ANKS1B: variants seen among roughly 807,000 people sequenced by gnomAD.
ANKS1B encodes the protein ankyrin repeat and sterile alpha motif domain-containing protein 1B.
Under a neutral mutation model 148.3 loss-of-function variants are expected in ANKS1B, and 36 were observed. The ratio of observed to expected loss-of-function variants is 0.24; its 90% confidence interval spans 0.19 to 0.32. ANKS1B has a LOEUF of 0.32. ANKS1B is among the 10% of genes least tolerant of loss of function. The pLI, the probability that ANKS1B is intolerant of heterozygous loss-of-function variation, is 1.00. For synonymous variants in ANKS1B, 542 were observed against 560.8 expected, an observed-to-expected ratio of 0.97 and a Z score of 0.47; for missense variants, 1,157 against 1,542.6, an observed-to-expected ratio of 0.75 and a Z score of 4.19.
chr12:99,181,753 T>C (rs1397374831), intron 14 of ANKS1B, among the ~76,000 whole-genome samples: 1 of 152,036 alleles, frequency 6.6e-6, no homozygotes, highest in Non-Finnish European at 1.5e-5. Flanking sequence ...TCAGAATAAA[T>C]GGGGTTTCCA....
chr12:99,513,418 T>G (rs1321720734), intron 9 of ANKS1B, among the ~76,000 whole-genome samples: 1 of 152,080 alleles, frequency 6.6e-6, no homozygotes, highest in African/African-American at 2.4e-5. Flanking sequence ...TACACTGTCT[T>G]GATTAGTGGA....
At chr12:98,830,253 CTT>C (rs960364499) in intron 18 of ANKS1B, among the ~76,000 whole-genome samples, 1 of 149,614 alleles carries the variant, frequency 6.7e-6, no homozygotes, top group Non-Finnish European at 1.5e-5. Flanking sequence ...AAACAAAAAT[CTT>C]TTTTTTTTCT....
chr12:99,229,736 AC>A (rs11315397), intron 14 of ANKS1B, among the ~76,000 whole-genome samples: 12,723 of 151,964 alleles, frequency 0.084, 673 homozygotes, highest in Admixed American at 0.12. Flanking sequence ...AATTACTTTT[AC>A]TTCTTCTTCT....
At chr12:99,299,354 C>T (rs765905232) in intron 12 of ANKS1B, among the ~76,000 whole-genome samples, 1 of 152,140 alleles carries the variant, frequency 6.6e-6, no homozygotes, top group Admixed American at 6.5e-5. Context: ...GCCACTGCAC[C>T]CAGCCTTGTA....
chr12:99,756,673 A>G (rs1601529341), intron 8 of ANKS1B, among the ~76,000 whole-genome samples: 1 of 152,156 alleles, frequency 6.6e-6, no homozygotes, highest in East Asian at 1.9e-4. Flanking sequence ...CCAATTTCAA[A>G]CTATACTATG....
intron 17 of ANKS1B, among the ~76,000 whole-genome samples, chr12:98,845,017 G>A (rs564962495): frequency 6.6e-6 from 1 of 152,260 alleles, no homozygotes; most frequent in East Asian, 1.9e-4. Flanking sequence ...AGTTCAAGAT[G>A]GGAAAGATAT....
chr12:99,921,706 C>A (rs1223528083), intron 1 of ANKS1B, among the ~76,000 whole-genome samples: 1 of 152,110 alleles, frequency 6.6e-6, no homozygotes, highest in East Asian at 1.9e-4. Flanking sequence ...CAGAGAACCA[C>A]TGGAGAAGAT....
intron 1 of ANKS1B, among the ~76,000 whole-genome samples, chr12:99,913,493 T>C (rs964128099): frequency 6.6e-6 from 1 of 151,964 alleles, no homozygotes; most frequent in African/African-American, 2.4e-5. Context: ...TCTTTTGAAA[T>C]AAAGAAAAAA....
At chr12:99,754,569 T>C (rs1354594168) in intron 8 of ANKS1B, among the ~76,000 whole-genome samples, 1 of 152,204 alleles carries the variant, frequency 6.6e-6, no homozygotes, top group African/African-American at 2.4e-5. Flanking sequence ...ACATGGCACA[T>C]ACTCTAAAAT....
intron 18 of ANKS1B, among the ~76,000 whole-genome samples, chr12:98,830,166 T>C (rs2099289504): frequency 6.6e-6 from 1 of 152,188 alleles, no homozygotes; most frequent in Admixed American, 6.5e-5. Context: ...AAATGACTCC[T>C]CTAAAGAGTC....
intron 1 of ANKS1B, among the ~76,000 whole-genome samples, chr12:99,964,450 C>A (rs1255885995): frequency 6.6e-6 from 1 of 152,140 alleles, no homozygotes; most frequent in Non-Finnish European, 1.5e-5. Flanking sequence ...AGTTCCTACA[C>A]TATTAAGTAA....
At chr12:99,377,050 C>T (rs1241430663) in intron 12 of ANKS1B, among the ~76,000 whole-genome samples, 2 of 151,920 alleles carry the variant, frequency 1.3e-5, no homozygotes, top group Non-Finnish European at 1.5e-5. Flanking sequence ...GCTCTGTCGC[C>T]AGGCTGAAGT....
At chr12:99,648,751 G>T in intron 9 of ANKS1B, 3 of 1,613,540 alleles carry the variant, frequency 1.9e-6, no homozygotes, top group South Asian at 1.1e-5. Context: ...GAACACATTG[G>T]ACTCATCTGT....
intron 15 of ANKS1B, among the ~76,000 whole-genome samples, chr12:99,089,248 T>C (rs2053205531): frequency 1.3e-5 from 2 of 152,024 alleles, no homozygotes; most frequent in Non-Finnish European, 2.9e-5. Context: ...TTTAGTCATC[T>C]ACTACACTGC....
At chr12:99,983,205 T>C (rs977753240) in intron 1 of ANKS1B, among the ~76,000 whole-genome samples, 4 of 152,226 alleles carry the variant, frequency 2.6e-5, no homozygotes, top group African/African-American at 9.6e-5. Context: ...AGAGCTTCCC[T>C]TGAATTGTAT....
chr12:99,337,360 CT>C (rs2089111804), intron 12 of ANKS1B, among the ~76,000 whole-genome samples: 1 of 151,940 alleles, frequency 6.6e-6, no homozygotes, highest in Admixed American at 6.6e-5. Context: ...AATTATTTGT[CT>C]TTTTGTTAAA....
chr12:99,645,680 T>G (rs1245245681), intron 9 of ANKS1B, among the ~76,000 whole-genome samples: 1 of 152,208 alleles, frequency 6.6e-6, no homozygotes, highest in Non-Finnish European at 1.5e-5. Context: ...AGGAATTTCT[T>G]AATCTCAAGT....
intron 12 of ANKS1B, among the ~76,000 whole-genome samples, chr12:99,266,751 T>C (rs1212353517): frequency 6.6e-6 from 1 of 152,168 alleles, no homozygotes; most frequent in East Asian, 1.9e-4. Flanking sequence ...AATTTTAATA[T>C]TTTGCTTATT....
At chr12:99,891,882 C>A (rs1182662352) in intron 1 of ANKS1B, among the ~76,000 whole-genome samples, 1 of 152,144 alleles carries the variant, frequency 6.6e-6, no homozygotes, top group Non-Finnish European at 1.5e-5. Flanking sequence ...ATAAAATAAT[C>A]CAGAGGAGGT....
Sources: allele counts gnomAD v4.1 joint callset (sites outside exome capture counted in the v4.1 genomes callset), GRCh38; gene constraint gnomAD v4.1.1; transcripts MANE v1.5; gene names NCBI Gene and HGNC (gene_info 2026-07-23, HGNC 2026-07-21).